MBP: variants seen among roughly 807,000 people sequenced by gnomAD.
MBP encodes Golli-MBP.
In MBP, 16 loss-of-function variants were observed where a neutral mutation model predicts 35.8. The observed-to-expected ratio is 0.45, with a 90% CI of 0.30 to 0.68. The LOEUF (loss-of-function observed/expected upper bound fraction) is 0.68, where lower values mean the gene tolerates loss of function less well. Ranked by LOEUF, MBP falls within the 30% of genes least tolerant of loss-of-function variation. MBP has a pLI of 0.08. For missense variants in MBP, 380 were observed against 404.7 expected (o/e 0.94, Z 0.52); for synonymous variants, 143 against 159.6 (o/e 0.90, Z 0.78).
At chr18:76,990,089 G>A in intron 4 of MBP, 29 bp from the exon 5 acceptor site, 1 of 1,501,352 alleles carries the variant, frequency 6.7e-7, no homozygotes, top group Non-Finnish European at 9.2e-7. Flanking sequence ...GTGACCTCAG[G>A]ACAAGTCCAC....
intron 4 of MBP, chr18:77,014,130 C>T (rs987605522): frequency 1.0e-6 from 1 of 985,468 alleles, no homozygotes; most frequent in Non-Finnish European, 1.2e-6. Context: ...TCCGTGAATG[C>T]ACTTTTCATT....
At chr18:77,050,600 G>A (rs1973449538) in intron 3 of MBP, among the ~76,000 whole-genome samples, 1 of 152,186 alleles carries the variant, frequency 6.6e-6, no homozygotes, top group Non-Finnish European at 1.5e-5. Flanking sequence ...GGGCTGGAGT[G>A]CAATGGCGTG....
In MBP at chr18:76,988,703, G is replaced by A. The variant is rs1335704933; in HGVS notation, c.717+174C>T. On this transcript the variant is annotated intron_variant, in intron 6 of 8. Transcript: ENST00000355994. This position sits in a 1 kb window ranked among gnomAD's most constrained non-coding sequence, Gnocchi z 5.2. The stretch of plus-strand genomic sequence containing the variant: ...CACAGCGGCTGTGCAGGTGCGGGAG[G>A]GACAGGAGGGGTGCATGGATCTGCC... 6 of 1,352,480 alleles carry A rather than the reference G, an allele frequency of 4.4e-6. No homozygotes were observed. Among genetic ancestry groups the A allele is most frequent in the African/African-American group, 1.5e-5 (1 of 68,518 alleles). 83.8% of individuals were successfully genotyped at this position (1,352,480 alleles called of 1,614,324 possible). A position where few individuals can be genotyped will look rare whatever the true frequency, so the allele number is the denominator to read the frequency against.
At chr18:77,119,561 G>C (rs1309694402) in intron 1 of MBP, among the ~76,000 whole-genome samples, 1 of 152,168 alleles carries the variant, frequency 6.6e-6, no homozygotes, top group Non-Finnish European at 1.5e-5. Context: ...AAGTGGATGA[G>C]AGAATGGCAA....
Position 76,980,351 on chromosome 18 carries a change from A to G in MBP, c.*76T>C, listed in dbSNP as rs767821814. 9.6e-6 allele frequency: 13 copies of G among 1,357,296 alleles called. No homozygotes were observed. The South Asian group carries it at 1.5e-4, about 16-fold the overall frequency. 84.1% of individuals were successfully genotyped at this position (1,357,296 alleles called of 1,614,324 possible). A position where few individuals can be genotyped will look rare whatever the true frequency, so the allele number is the denominator to read the frequency against. On this transcript the variant is annotated 3_prime_UTR_variant, in exon 9 of 9. Transcript: ENST00000355994. ...GGGTCATCTGCTCTAATTAGGTAAC[A>G]GGGGCAAGTGGGATTAAAGTTTTAA... is the stretch of plus-strand genomic sequence containing the variant.
chr18:77,079,212 G>A (rs1974786632), intron 2 of MBP, among the ~76,000 whole-genome samples: 1 of 152,186 alleles, frequency 6.6e-6, no homozygotes, highest in Non-Finnish European at 1.5e-5. Flanking sequence ...CTGAGAAGAG[G>A]ACATCACCCA....
intron 2 of MBP, among the ~76,000 whole-genome samples, chr18:77,081,825 C>CACACACATATATATACACACACTAT (rs1250356949): frequency 2.0e-5 from 1 of 51,218 alleles, no homozygotes; most frequent in Admixed American, 2.6e-4. Flanking sequence ...TATATACACA[C>CACACACATATATATACACACACTAT]ACACACACAC....
intron 1 of MBP, among the ~76,000 whole-genome samples, chr18:77,121,097 G>A (rs1208849694): frequency 6.6e-6 from 1 of 152,096 alleles, no homozygotes; most frequent in African/African-American, 2.4e-5. Context: ...CCAGGTGTTC[G>A]AGACAAGCTG....
Position 77,094,832 on chromosome 18 carries a change from TA to T in MBP, c.51+10378del, listed in dbSNP as rs372883958. On this transcript the variant is annotated intron_variant, in intron 2 of 8. Coordinates refer to ENST00000355994, the MANE Select transcript of MBP (RefSeq NM_001025101.2). ...TGTGGCCACTTCCATCTAAATCGCT[TA>T]AAAATATGACATTAAAAACACAGTT... Among the ~76,000 whole-genome samples, 973 of 152,242 alleles carry T rather than the reference TA, an allele frequency of 6.4e-3. 14 individuals are homozygous for T. The highest frequency in any genetic ancestry group is 0.022 in the African/African-American group (914 of 41,534).
chr18:77,087,987 G>A (rs1376114526), intron 2 of MBP, among the ~76,000 whole-genome samples: 1 of 152,078 alleles, frequency 6.6e-6, no homozygotes, highest in Non-Finnish European at 1.5e-5. Flanking sequence ...GGAGCAGGCA[G>A]GTTCCCACCC....
chr18:77,103,379 T>G (rs1036128227), intron 2 of MBP, among the ~76,000 whole-genome samples: 2 of 152,196 alleles, frequency 1.3e-5, no homozygotes, highest in African/African-American at 4.8e-5. Context: ...CGGCCCATCT[T>G]CAGCAGCCGG....
At chr18:77,089,691 C>T (rs559970900) in intron 2 of MBP, among the ~76,000 whole-genome samples, 4 of 152,220 alleles carry the variant, frequency 2.6e-5, no homozygotes, top group Non-Finnish European at 5.9e-5. Context: ...TTGGAGGCTA[C>T]AGTACTTTTC....
At chr18:77,091,811 CAG>C (rs1975539210) in intron 2 of MBP, among the ~76,000 whole-genome samples, 1 of 152,062 alleles carries the variant, frequency 6.6e-6, no homozygotes. Context: ...ATACACACCA[CAG>C]ACACACACCC....
At chr18:77,068,901 T>C (rs935087771) in intron 2 of MBP, 18 of 455,876 alleles carry the variant, frequency 3.9e-5, no homozygotes, top group African/African-American at 3.6e-4. Context: ...TCAGCCTCTT[T>C]GGGAGGACAA....
intron 3 of MBP, among the ~76,000 whole-genome samples, chr18:77,052,838 A>C (rs1973551735): frequency 1.3e-5 from 2 of 152,040 alleles, no homozygotes; most frequent in Admixed American, 1.3e-4. Context: ...CTCTCCACTC[A>C]GCAGGGGCCC....
At chr18:76,996,595 C>T (rs1350871420) in intron 4 of MBP, among the ~76,000 whole-genome samples, 1 of 152,136 alleles carries the variant, frequency 6.6e-6, no homozygotes, top group East Asian at 1.9e-4. Context: ...TCCAAGGAAT[C>T]TTGCTGAGTA....
intron 1 of MBP, among the ~76,000 whole-genome samples, chr18:77,118,277 T>A (rs918851725): frequency 6.6e-6 from 1 of 151,550 alleles, no homozygotes; most frequent in Non-Finnish European, 1.5e-5. Context: ...TCCCACCCCA[T>A]CTCTCCCCTA....
chr18:77,051,779 C>A (rs757364575), intron 3 of MBP, among the ~76,000 whole-genome samples: 2 of 152,146 alleles, frequency 1.3e-5, no homozygotes, highest in Admixed American at 6.5e-5. Flanking sequence ...CAGTTTGATG[C>A]GTGAAGACCA....
At chr18:77,062,460 C>T (rs988624132) in intron 3 of MBP, among the ~76,000 whole-genome samples, 4 of 151,836 alleles carry the variant, frequency 2.6e-5, no homozygotes, top group Non-Finnish European at 5.9e-5. Context: ...GTGTTTTCTT[C>T]CTCCTTTTGT....
Sources: allele counts gnomAD v4.1 joint callset (sites outside exome capture counted in the v4.1 genomes callset), GRCh38; gene constraint gnomAD v4.1.1; non-coding constraint Gnocchi (gnomAD v3.1); transcripts MANE v1.5; gene names NCBI Gene and HGNC (gene_info 2026-07-23, HGNC 2026-07-21).